The following MAGI1 variants were observed in gnomAD, a reference collection of about 807,000 sequenced individuals.
MAGI1 encodes the protein membrane-associated guanylate kinase, WW and PDZ domain-containing protein 1.
MAGI1 carries 58 observed loss-of-function variants against 139.9 expected under a neutral mutation model. The observed-to-expected ratio is 0.41, with a 90% CI of 0.34 to 0.52. The LOEUF is 0.52. MAGI1 is among the 20% of genes least tolerant of loss of function. MAGI1 has a pLI of 0.12. For missense variants in MAGI1, 1,874 were observed against 1,901.6 expected (o/e 0.99, Z 0.27); for synonymous variants, 812 against 737.9 (o/e 1.10, Z -1.63).
intron 1 of MAGI1, among the ~76,000 whole-genome samples, chr3:65,804,315 G>A (rs1160791660): frequency 6.6e-6 from 1 of 150,524 alleles, no homozygotes; most frequent in Non-Finnish European, 1.5e-5. Context: ...AGAACATTAA[G>A]AGAGGGGAGA....
chr3:65,384,586 G>A (rs1260697972), intron 14 of MAGI1, among the ~76,000 whole-genome samples: 2 of 152,046 alleles, frequency 1.3e-5, no homozygotes, highest in Non-Finnish European at 2.9e-5. Flanking sequence ...AATAAAAAAT[G>A]AGCCAGGTAT....
intron 2 of MAGI1, among the ~76,000 whole-genome samples, chr3:65,598,040 C>A (rs1256475075): frequency 6.6e-6 from 1 of 152,104 alleles, no homozygotes; most frequent in Non-Finnish European, 1.5e-5. Flanking sequence ...GCTGATGGTG[C>A]GAGAAGGGAG....
chr3:65,950,058 ACAAAAAAAC>A (rs1560045400), intron 1 of MAGI1, among the ~76,000 whole-genome samples: 35 of 66,240 alleles, frequency 5.3e-4, no homozygotes, highest in South Asian at 3.1e-3. Context: ...AAAAAAAAAA[ACAAAAAAAC>A]AAAAAAAAAA....
At chr3:65,615,361 C>T (rs2083317204) in intron 2 of MAGI1, among the ~76,000 whole-genome samples, 1 of 152,154 alleles carries the variant, frequency 6.6e-6, no homozygotes, top group Non-Finnish European at 1.5e-5. Flanking sequence ...ATGCACGCTT[C>T]CCTGGGATCA....
chr3:65,641,245 G>A (rs910495001), intron 1 of MAGI1, among the ~76,000 whole-genome samples: 2 of 152,140 alleles, frequency 1.3e-5, no homozygotes, highest in African/African-American at 2.4e-5. Flanking sequence ...ATGTTCTAAC[G>A]ACAAGGCATC....
chr3:65,434,359 G>T (rs373731002), intron 10 of MAGI1, among the ~76,000 whole-genome samples: 1 of 152,098 alleles, frequency 6.6e-6, no homozygotes, highest in Non-Finnish European at 1.5e-5. Context: ...TTTTGATGGC[G>T]GTGGTGATAG....
At chr3:65,652,517 C>T (rs939789018) in intron 1 of MAGI1, among the ~76,000 whole-genome samples, 4 of 152,132 alleles carry the variant, frequency 2.6e-5, no homozygotes, top group Non-Finnish European at 5.9e-5. Context: ...ACAACCAAAA[C>T]CATCTCCAGA....
At chr3:65,860,077 G>C (rs149868197) in intron 1 of MAGI1, among the ~76,000 whole-genome samples, 1 of 152,064 alleles carries the variant, frequency 6.6e-6, no homozygotes, top group African/African-American at 2.4e-5. Context: ...GTATTTTTTA[G>C]TAGAGACAGG....
chr3:65,725,599 C>G (rs2033514803), intron 1 of MAGI1, among the ~76,000 whole-genome samples: 1 of 152,164 alleles, frequency 6.6e-6, no homozygotes, highest in Admixed American at 6.5e-5. Flanking sequence ...GTGGACTCAC[C>G]TTTTGACATT....
intron 1 of MAGI1, among the ~76,000 whole-genome samples, chr3:65,732,219 T>A (rs765162628): frequency 6.6e-6 from 1 of 152,202 alleles, no homozygotes; most frequent in African/African-American, 2.4e-5. Context: ...TGTGCTAGGA[T>A]TGCAGTCCAG....
At chr3:65,616,701 T>G (rs570555317) in intron 2 of MAGI1, among the ~76,000 whole-genome samples, 14 of 152,348 alleles carry the variant, frequency 9.2e-5, no homozygotes, top group Non-Finnish European at 7.3e-5. Context: ...TTTATCTCTT[T>G]ATCTGATCAG....
intron 2 of MAGI1, among the ~76,000 whole-genome samples, chr3:65,502,412 G>A (rs1352186092): frequency 6.6e-6 from 1 of 151,614 alleles, no homozygotes; most frequent in Non-Finnish European, 1.5e-5. Flanking sequence ...ATTTGTCTTC[G>A]TTAGTTTGGA....
At chr3:65,532,851 C>A (rs765306772) in intron 2 of MAGI1, 2 of 152,394 alleles carry the variant, frequency 1.3e-5, no homozygotes, top group African/African-American at 4.8e-5. Flanking sequence ...CCCATGGATC[C>A]ATGTGTGGCT....
chr3:65,656,979 CAAAAA>C (rs58817001), intron 1 of MAGI1, among the ~76,000 whole-genome samples: 10 of 73,944 alleles, frequency 1.4e-4, no homozygotes, highest in African/African-American at 4.4e-4. Flanking sequence ...GACACCATCT[CAAAAA>C]AAAAAAAAAA....
chr3:65,757,577 G>A (rs540709968), intron 1 of MAGI1, among the ~76,000 whole-genome samples: 3 of 152,290 alleles, frequency 2.0e-5, no homozygotes, highest in East Asian at 3.9e-4. Context: ...GGCAGAGGTT[G>A]CAGTGAGCCA....
At chr3:65,485,581 A>G (rs1468694365) in intron 3 of MAGI1, among the ~76,000 whole-genome samples, 2 of 152,230 alleles carry the variant, frequency 1.3e-5, no homozygotes, top group East Asian at 1.9e-4. Context: ...CCAGTCTCCA[A>G]TCAGGCCTGA....
At chr3:65,704,423 C>G (rs1043657254) in intron 1 of MAGI1, among the ~76,000 whole-genome samples, 1 of 152,164 alleles carries the variant, frequency 6.6e-6, no homozygotes, top group African/African-American at 2.4e-5. Flanking sequence ...ATCAGGCTGG[C>G]TGTCCTAGAT....
chr3:65,752,433 C>G (rs916043736), intron 1 of MAGI1, among the ~76,000 whole-genome samples: 2 of 152,114 alleles, frequency 1.3e-5, no homozygotes, highest in Non-Finnish European at 2.9e-5. Context: ...TAATTGGTAA[C>G]CAATCAAATC....
At chr3:65,736,550 A>G (rs911080754) in intron 1 of MAGI1, among the ~76,000 whole-genome samples, 3 of 152,192 alleles carry the variant, frequency 2.0e-5, no homozygotes, top group Non-Finnish European at 4.4e-5. Flanking sequence ...AATCCAAGCC[A>G]GAAGGCTTGA....
Sources: gnomAD v4.1 joint callset for allele counts (sites outside exome capture counted in the v4.1 genomes callset) on GRCh38, gnomAD v4.1.1 for gene constraint, MANE v1.5 for transcripts, NCBI Gene and HGNC (gene_info 2026-07-23, HGNC 2026-07-21) for gene names.